The following ZNF445 variants were observed in gnomAD, a reference collection of about 807,000 sequenced individuals.
ZNF445 encodes the protein zinc finger protein 445, also known as zinc finger protein 168.
ZNF445 carries 19 observed loss-of-function variants against 93.9 expected under a neutral mutation model. The observed-to-expected ratio is 0.20, with a 90% CI of 0.14 to 0.30. The LOEUF (loss-of-function observed/expected upper bound fraction) is 0.30. ZNF445 is among the 10% of genes least tolerant of loss of function. The pLI is 1.00. For missense variants in ZNF445, 1,058 were observed against 1,259.4 expected (o/e 0.84, Z 2.42); for synonymous variants, 449 against 446.3 (o/e 1.01, Z -0.08).
At chr3:44,468,681 TC>T (rs57315181) in intron 1 of ZNF445, among the ~76,000 whole-genome samples, 3 of 19,194 alleles carry the variant, frequency 1.6e-4, no homozygotes, top group African/African-American at 4.3e-4. Context: ...CTCCACCCCC[TC>T]CCCCCGAGGA....
intron 6 of ZNF445, 32 bp downstream of exon 6, chr3:44,450,415 T>C (rs781438470): frequency 6.2e-6 from 10 of 1,613,986 alleles, no homozygotes; most frequent in Non-Finnish European, 7.6e-6. Context: ...GAAATAAAGA[T>C]GGATAGAAGC....
chr3:44,473,492 A>ACACAAAC (rs1559400839), intron 1 of ZNF445, among the ~76,000 whole-genome samples: 1 of 89,032 alleles, frequency 1.1e-5, no homozygotes, highest in East Asian at 7.3e-4. Flanking sequence ...CACACACACA[A>ACACAAAC]AAAATGCTTT....
chr3:44,452,740 G>A (rs1697973311), intron 3 of ZNF445, among the ~76,000 whole-genome samples: 1 of 151,978 alleles, frequency 6.6e-6, no homozygotes, highest in Admixed American at 6.6e-5. Flanking sequence ...AATAACAAAT[G>A]CTCTTTTAAA....
chr3:44,468,517 G>A (rs868355984), intron 1 of ZNF445, among the ~76,000 whole-genome samples: 2 of 152,306 alleles, frequency 1.3e-5, no homozygotes, highest in South Asian at 4.1e-4. Flanking sequence ...TGGTTTAGGA[G>A]TCATGCAGCT....
intron 1 of ZNF445, among the ~76,000 whole-genome samples, chr3:44,476,452 T>C (rs916253558): frequency 2.0e-5 from 3 of 152,080 alleles, no homozygotes; most frequent in South Asian, 2.1e-4. Flanking sequence ...TCCCTGAATA[T>C]GCACACACAT....
intron 2 of ZNF445, among the ~76,000 whole-genome samples, chr3:44,455,906 C>A (rs1419239021): frequency 6.6e-6 from 1 of 151,938 alleles, no homozygotes; most frequent in Non-Finnish European, 1.5e-5. Flanking sequence ...ATTAAAACTT[C>A]GTAAAAAACA....
intron 1 of ZNF445, among the ~76,000 whole-genome samples, chr3:44,465,112 C>T (rs558612527): frequency 6.8e-6 from 1 of 148,148 alleles, no homozygotes; most frequent in South Asian, 2.2e-4. Flanking sequence ...AGGTTTTTCA[C>T]TAAAAATAAA....
At chr3:44,453,115 T>C (rs1324812729) in intron 3 of ZNF445, among the ~76,000 whole-genome samples, 3 of 151,808 alleles carry the variant, frequency 2.0e-5, no homozygotes, top group African/African-American at 4.8e-5. Context: ...GTTTTCATCA[T>C]GTTGGCCTGG....
At chr3:44,457,159 T>C (rs1246585206) in intron 2 of ZNF445, among the ~76,000 whole-genome samples, 1 of 152,164 alleles carries the variant, frequency 6.6e-6, no homozygotes, top group Non-Finnish European at 1.5e-5. Flanking sequence ...ATCTGGAGTA[T>C]ATTTCGGGCT....
At chr3:44,463,092 A>G (rs1698142243) in intron 1 of ZNF445, among the ~76,000 whole-genome samples, 2 of 151,610 alleles carry the variant, frequency 1.3e-5, no homozygotes, top group Admixed American at 1.3e-4. Flanking sequence ...GCTGGTGTAC[A>G]ATGGCACGGT....
At position 44,443,822 on chromosome 3, in the gene ZNF445, T is replaced by C. The variant is rs530039122; in HGVS notation, c.*2753A>G. On this transcript the variant is annotated 3_prime_UTR_variant, in exon 8 of 8. Coordinates refer to ENST00000396077, the MANE Select transcript of ZNF445 (RefSeq NM_181489.6). ...CATTTTAAAATTTGATTAGAATGTT[T>C]AGAAATAAGCACATTTCATTCTATA... The C allele has an allele frequency of 6.6e-6, 1 of 151,782 alleles. No homozygotes were observed. The highest frequency in any genetic ancestry group is 2.1e-4 in the South Asian group (1 of 4,804). The allele number at this position is 151,782 out of a possible 1,614,324, so 9.4% of individuals were successfully genotyped here.
In ZNF445 at chr3:44,444,331, T is replaced by G. The variant is rs1697852195; in HGVS notation, c.*2244A>C. 1.3e-5 allele frequency: 2 copies of G among 152,290 alleles called. No individual in the cohort carries two copies. Among genetic ancestry groups the G allele is most frequent in the South Asian group, 4.1e-4 (2 of 4,828 alleles). The allele number at this position is 152,290 out of a possible 1,614,324, so 9.4% of individuals were successfully genotyped here. On this transcript the variant is annotated 3_prime_UTR_variant, in exon 8 of 8. Transcript: ENST00000396077. Reference sequence around the variant, plus strand: ...GCCCTGGTCCTAGAGGTCAACCACCTGATGGAGAGCCTTGGTAAACCAAGC... The same window carrying G: ...GCCCTGGTCCTAGAGGTCAACCACCGGATGGAGAGCCTTGGTAAACCAAGC...
chr3:44,447,372 A>C lies in ZNF445; in HGVS notation c.2299T>G (p.Cys767Gly), dbSNP rs768267337. Reference sequence around the variant, plus strand: ...GAGTGATTGCGGAAGGCCTTGCCACACTGGCTGCATTTGTAGGGCTCCTCT... The same window carrying C: ...GAGTGATTGCGGAAGGCCTTGCCACCCTGGCTGCATTTGTAGGGCTCCTCT... ...SKEEPYKCSQCGKAFRNHSFL... is the reference protein window; with the variant it reads ...SKEEPYKCSQGGKAFRNHSFL... Residue 767 changes from cysteine to glycine, a missense_variant, in exon 8 of 8, where the codon TGT becomes GGT. Physicochemically the swap from Cys to Gly is radical, Grantham distance 159 (BLOSUM62 -3). Around this residue, in one of 3 missense-constraint regions of ZNF445, gnomAD observed 387 missense variants for 475.7 expected, o/e 0.81. Coordinates refer to ENST00000396077, the MANE Select transcript of ZNF445 (RefSeq NM_181489.6). The surrounding 1 kb of genome is among the most constrained non-coding windows in gnomAD (Gnocchi z 4.7). 1 of 1,614,182 alleles carries C rather than the reference A, an allele frequency of 6.2e-7. No individual in the cohort carries two copies. The highest frequency in any genetic ancestry group is 8.5e-7 in the Non-Finnish European group (1 of 1,180,026).
At position 44,446,576 on chromosome 3, in the gene ZNF445, T is replaced by C. The variant is rs1169617271; in HGVS notation, c.3095A>G (p.Ter1032TrpextTer4). 1 of 1,614,184 alleles carries C rather than the reference T, an allele frequency of 6.2e-7. No homozygotes were observed. The highest frequency in any genetic ancestry group is 8.5e-7 in the Non-Finnish European group (1 of 1,180,036). The change falls in exon 8 of 8, where the codon TAG (stop) becomes TGG (tryptophan). Residue 1032 changes from the stop codon to tryptophan (W), a stop_lost. Coordinates refer to ENST00000396077, the MANE Select transcript of ZNF445 (RefSeq NM_181489.6). This position sits in a 1 kb window ranked among gnomAD's most constrained non-coding sequence, Gnocchi z 4.2. ...ARHMKNHIRD[*>W] The stretch of plus-strand genomic sequence containing the variant: ...CCACTGTCACTGTCAGGTCCCAGGC[T>C]AATCTCTAATATGGTTTTTCATATG...
chr3:44,468,810 G>A (rs1019999618), intron 1 of ZNF445, among the ~76,000 whole-genome samples: 1 of 152,020 alleles, frequency 6.6e-6, no homozygotes, highest in Non-Finnish European at 1.5e-5. Flanking sequence ...ACTTTGCTCC[G>A]CAAATGCTGG....
chr3:44,433,677 A>C lies in ZNF445; in HGVS notation c.*12898T>G, dbSNP rs1363816642. The C allele has an allele frequency of 6.6e-6, 1 of 152,186 alleles. No individual in the cohort carries two copies. Among genetic ancestry groups the C allele is most frequent in the Non-Finnish European group, 1.5e-5 (1 of 68,084 alleles). 9.4% of individuals were successfully genotyped at this position (152,186 alleles called of 1,614,324 possible). A position where few individuals can be genotyped will look rare whatever the true frequency, so the allele number is the denominator to read the frequency against. On this transcript the variant is annotated 3_prime_UTR_variant, in exon 8 of 8. Transcript: ENST00000396077. ...GCCGGACCTGCAGAGAGAGAGTGGG[A>C]AAGTGGAGAACCATCAGCTCACTTT...
chr3:44,458,005 T>G (rs1575312906), intron 2 of ZNF445, among the ~76,000 whole-genome samples: 1 of 69,986 alleles, frequency 1.4e-5, no homozygotes, highest in African/African-American at 6.1e-5. Context: ...AGAATAAGAC[T>G]CCGTCTCAAA....
intron 6 of ZNF445, among the ~76,000 whole-genome samples, 185 bp from the exon 7 acceptor site, chr3:44,449,808 G>T (rs148765886): frequency 2.6e-5 from 4 of 152,332 alleles, no homozygotes; most frequent in African/African-American, 9.6e-5. Flanking sequence ...ACTGATAGAA[G>T]TTGCCCACAA....
In ZNF445 at chr3:44,446,459, C is replaced by T. The variant is rs1473967213; in HGVS notation, c.*116G>A. On this transcript the variant is annotated 3_prime_UTR_variant, in exon 8 of 8. Transcript: ENST00000396077. This position sits in a 1 kb window ranked among gnomAD's most constrained non-coding sequence, Gnocchi z 4.2. Reference sequence around the variant, plus strand: ...CAAATCCTTGGGATTCTGTCACTAGCTTCCAAAACAGAAAGGGCTGGGCCC... The same window carrying T: ...CAAATCCTTGGGATTCTGTCACTAGTTTCCAAAACAGAAAGGGCTGGGCCC... 6.8e-7 allele frequency: 1 copy of T among 1,467,004 alleles called. No homozygotes were observed. The highest frequency in any genetic ancestry group is 9.2e-7 in the Non-Finnish European group (1 of 1,089,418). 90.9% of individuals were successfully genotyped at this position (1,467,004 alleles called of 1,614,324 possible).
Sources: allele counts gnomAD v4.1 joint callset (sites outside exome capture counted in the v4.1 genomes callset), GRCh38; gene constraint gnomAD v4.1.1; regional missense constraint gnomAD v4.1.1; non-coding constraint Gnocchi (gnomAD v3.1); transcripts MANE v1.5; gene names NCBI Gene and HGNC (gene_info 2026-07-23, HGNC 2026-07-21).